The following GFRA1 variants were observed in gnomAD, a reference collection of about 807,000 sequenced individuals.
The protein encoded by GFRA1 is GDNF family receptor alpha-1.
Under a neutral mutation model 51.6 loss-of-function variants are expected in GFRA1, and 16 were observed. The ratio of observed to expected loss-of-function variants is 0.31; its 90% CI spans 0.21 to 0.47. GFRA1 has a LOEUF of 0.47. Ranked by LOEUF, GFRA1 falls within the 20% of genes least tolerant of loss-of-function variation. The pLI is 1.00. For synonymous variants in GFRA1, 270 were observed against 241.3 expected (o/e 1.12, Z -1.10); for missense variants, 530 against 594.3 (o/e 0.89, Z 1.13).
At chr10:116,263,632 A>G (rs774738600) in intron 4 of GFRA1, among the ~76,000 whole-genome samples, 7 of 152,190 alleles carry the variant, frequency 4.6e-5, no homozygotes, top group Non-Finnish European at 7.3e-5. Flanking sequence ...GGCTGGGGCG[A>G]GATCAAAAGC....
intron 5 of GFRA1, among the ~76,000 whole-genome samples, chr10:116,161,052 G>C (rs1055508404): frequency 2.0e-5 from 3 of 152,196 alleles, no homozygotes; most frequent in African/African-American, 7.2e-5. Flanking sequence ...CCTGGAGGAG[G>C]AGCCTGGGAG....
intron 4 of GFRA1, among the ~76,000 whole-genome samples, chr10:116,240,066 T>C (rs1045707308): frequency 5.9e-5 from 9 of 152,260 alleles, no homozygotes; most frequent in African/African-American, 2.2e-4. Flanking sequence ...CTATGATGTA[T>C]TATTAAAAAA....
chr10:116,144,679 C>T (rs542904637), intron 5 of GFRA1, among the ~76,000 whole-genome samples: 6 of 151,696 alleles, frequency 4.0e-5, no homozygotes, highest in East Asian at 1.9e-4. Context: ...ATAAGGTATC[C>T]GTACATGAAA....
intron 4 of GFRA1, among the ~76,000 whole-genome samples, chr10:116,244,864 T>C (rs1405877642): frequency 2.0e-5 from 3 of 152,096 alleles, no homozygotes; most frequent in Non-Finnish European, 2.9e-5. Context: ...AATAAAATCA[T>C]ACCTAATGCC....
chr10:116,190,150 C>G (rs1479324744), intron 5 of GFRA1, among the ~76,000 whole-genome samples: 1 of 152,204 alleles, frequency 6.6e-6, no homozygotes, highest in Non-Finnish European at 1.5e-5. Flanking sequence ...ATCATTCATT[C>G]AACACATTGA....
chr10:116,234,630 G>A (rs1966845405), intron 4 of GFRA1, among the ~76,000 whole-genome samples: 1 of 152,154 alleles, frequency 6.6e-6, no homozygotes, highest in Admixed American at 6.6e-5. Flanking sequence ...ATTCTATAAT[G>A]TAAATTACAT....
At chr10:116,119,328 C>T (rs1024304161) in intron 6 of GFRA1, among the ~76,000 whole-genome samples, 12 of 152,122 alleles carry the variant, frequency 7.9e-5, no homozygotes, top group Non-Finnish European at 1.0e-4. Flanking sequence ...TAGCAGGCAG[C>T]TCGTGCAGGT....
chr10:116,248,018 G>A (rs1307561751), intron 4 of GFRA1, among the ~76,000 whole-genome samples: 2 of 152,156 alleles, frequency 1.3e-5, no homozygotes, highest in East Asian at 3.9e-4. Flanking sequence ...TGGTTACATT[G>A]GTTCATTCTG....
intron 6 of GFRA1, among the ~76,000 whole-genome samples, chr10:116,119,851 T>C (rs571531773): frequency 2.0e-5 from 3 of 152,382 alleles, no homozygotes; most frequent in Admixed American, 1.3e-4. Flanking sequence ...TTATGACACG[T>C]TCCCCAGTTG....
At chr10:116,256,969 G>A (rs112766074) in intron 4 of GFRA1, among the ~76,000 whole-genome samples, 7 of 64,628 alleles carry the variant, frequency 1.1e-4, no homozygotes, top group African/African-American at 3.3e-4. Context: ...CCAAGCGAGA[G>A]AGCAGAAGTC....
intron 9 of GFRA1, among the ~76,000 whole-genome samples, chr10:116,070,646 G>A (rs750402282): frequency 2.6e-5 from 4 of 151,836 alleles, no homozygotes; most frequent in Non-Finnish European, 4.4e-5. Flanking sequence ...TATTGTGTAC[G>A]TGATACCAAT....
intron 4 of GFRA1, among the ~76,000 whole-genome samples, chr10:116,266,114 AG>A (rs1331657237): frequency 6.6e-6 from 1 of 152,210 alleles, no homozygotes; most frequent in African/African-American, 2.4e-5. Flanking sequence ...GTGGTTAGCA[AG>A]CAAACAATGG....
At chr10:116,198,821 C>T (rs1041727013) in intron 5 of GFRA1, among the ~76,000 whole-genome samples, 1 of 152,176 alleles carries the variant, frequency 6.6e-6, no homozygotes, top group Non-Finnish European at 1.5e-5. Flanking sequence ...AATTCTTCTC[C>T]CCTCGAACCT....
At chr10:116,078,652 A>C (rs2133824287) in intron 9 of GFRA1, among the ~76,000 whole-genome samples, 1 of 152,330 alleles carries the variant, frequency 6.6e-6, no homozygotes, top group East Asian at 1.9e-4. Flanking sequence ...TACGCAGAGA[A>C]AACGCTGGGT....
At chr10:116,268,732 T>C (rs1287202249) in intron 4 of GFRA1, among the ~76,000 whole-genome samples, 1 of 152,182 alleles carries the variant, frequency 6.6e-6, no homozygotes, top group Non-Finnish European at 1.5e-5. Context: ...ATGTCTAAAC[T>C]GTAAATAAAT....
rs1462596874 is a variant in GFRA1 at position 116,101,080 on chromosome 10, C to T, written c.771-4316G>A. On this transcript the variant is annotated intron_variant, in intron 6 of 10. Coordinates refer to ENST00000355422, the MANE Select transcript of GFRA1 (RefSeq NM_005264.8). ...TTAGAGCTCTGGCTGCTGCTTCTGT[C>T]CAGTCACCAACTGCAGCCTGAGCAC... 2.0e-5 allele frequency among the ~76,000 whole-genome samples: 3 copies of T among 152,198 alleles called. No homozygotes were observed. In the East Asian group the frequency reaches 5.8e-4, roughly 29 times the overall value.
intron 4 of GFRA1, among the ~76,000 whole-genome samples, chr10:116,261,637 C>T (rs1969309729): frequency 1.3e-5 from 2 of 152,116 alleles, no homozygotes; most frequent in Admixed American, 1.3e-4. Flanking sequence ...ATAAATCATA[C>T]TTTATAAAGG....
chr10:116,250,364 A>G (rs1968230156), intron 4 of GFRA1, among the ~76,000 whole-genome samples: 1 of 152,196 alleles, frequency 6.6e-6, no homozygotes, highest in South Asian at 2.1e-4. Flanking sequence ...CTCCTAACAC[A>G]GGCCTCAACC....
At chr10:116,109,255 G>T (rs55774149) in intron 6 of GFRA1, among the ~76,000 whole-genome samples, 1 of 151,988 alleles carries the variant, frequency 6.6e-6, no homozygotes, top group African/African-American at 2.4e-5. Flanking sequence ...ATACGCACCC[G>T]CACAGCACTG....
Sources: gnomAD v4.1 joint callset for allele counts (sites outside exome capture counted in the v4.1 genomes callset) on GRCh38, gnomAD v4.1.1 for gene constraint, MANE v1.5 for transcripts, NCBI Gene and HGNC (gene_info 2026-07-23, HGNC 2026-07-21) for gene names.